Variants in MALRD1 observed in about 807,000 individuals in gnomAD.
MALRD1 encodes the protein MAM and LDL receptor class A domain containing 1, also known as MAM and LDL-receptor class A domain-containing protein 1.
MALRD1 carries 247 observed loss-of-function variants against 242.1 expected under a neutral mutation model. That is an observed-to-expected ratio of 1.02 (90% CI 0.92 to 1.13). The LOEUF is 1.13. MALRD1 is among the 50% of genes most tolerant of loss of function. The pLI, the probability that MALRD1 is intolerant of heterozygous loss-of-function variation, is 0.00. For missense variants in MALRD1, 2,989 were observed against 2,533.1 expected (o/e 1.18, Z -3.86); for synonymous variants, 995 against 866.6 (o/e 1.15, Z -2.60).
intron 2 of MALRD1, among the ~76,000 whole-genome samples, chr10:19,072,638 T>C (rs1476889173): frequency 6.6e-6 from 1 of 152,070 alleles, no homozygotes. Context: ...TAATTCTTCC[T>C]CTAAGAACAC....
intron 19 of MALRD1, 100 bp from the exon 20 acceptor site, chr10:19,279,947 T>C (rs1840723831): frequency 2.1e-6 from 2 of 944,368 alleles, no homozygotes; most frequent in Non-Finnish European, 3.0e-6. Context: ...CTCTATGATA[T>C]TGTGGGGCAT....
intron 14 of MALRD1, among the ~76,000 whole-genome samples, chr10:19,179,330 G>A (rs1835395215): frequency 6.6e-6 from 1 of 152,180 alleles, no homozygotes; most frequent in African/African-American, 2.4e-5. Flanking sequence ...CAATGACAAT[G>A]TATTGTACAC....
At chr10:19,682,767 G>C (rs941052685) in intron 36 of MALRD1, among the ~76,000 whole-genome samples, 1 of 152,110 alleles carries the variant, frequency 6.6e-6, no homozygotes, top group South Asian at 2.1e-4. Context: ...TTCCCCTTCT[G>C]CTGACAGAGG....
chr10:19,247,295 A>G (rs1326425687), intron 18 of MALRD1, among the ~76,000 whole-genome samples: 1 of 152,132 alleles, frequency 6.6e-6, no homozygotes, highest in Non-Finnish European at 1.5e-5. Context: ...CAAAAATTAA[A>G]TTACTTCATT....
intron 1 of MALRD1, among the ~76,000 whole-genome samples, chr10:19,059,466 C>T (rs1488643506): frequency 1.3e-5 from 2 of 152,098 alleles, no homozygotes; most frequent in Admixed American, 6.6e-5. Context: ...CGGCTCACTG[C>T]AACCTCTGCC....
intron 27 of MALRD1, chr10:19,389,193 G>C (rs1336751447): frequency 3.6e-6 from 2 of 555,504 alleles, no homozygotes; most frequent in African/African-American, 3.7e-5. Flanking sequence ...CTATCTTGTT[G>C]ATGCGACGGC....
chr10:19,637,186 A>C (rs928321411), intron 36 of MALRD1, among the ~76,000 whole-genome samples: 2 of 152,178 alleles, frequency 1.3e-5, no homozygotes, highest in Non-Finnish European at 2.9e-5. Context: ...ACATATGTCA[A>C]CCTAACAAAT....
intron 38 of MALRD1, chr10:19,724,946 A>G (rs1834949838): frequency 6.6e-6 from 1 of 152,236 alleles, no homozygotes; most frequent in Non-Finnish European, 1.5e-5. Context: ...ACAATCAGAA[A>G]AGGAATCTTG....
chr10:19,185,889 A>G (rs995126629), intron 14 of MALRD1, among the ~76,000 whole-genome samples: 1 of 150,904 alleles, frequency 6.6e-6, no homozygotes, highest in Non-Finnish European at 1.5e-5. Context: ...TTTTCTGAAA[A>G]ATGTTTCTGA....
intron 26 of MALRD1, among the ~76,000 whole-genome samples, chr10:19,383,724 G>A (rs948932268): frequency 6.6e-6 from 1 of 151,856 alleles, no homozygotes; most frequent in Admixed American, 6.6e-5. Flanking sequence ...TACATGTGAT[G>A]ATCAAAATAT....
intron 32 of MALRD1, among the ~76,000 whole-genome samples, chr10:19,551,824 C>G (rs1208000103): frequency 6.6e-6 from 1 of 151,986 alleles, no homozygotes; most frequent in Non-Finnish European, 1.5e-5. Flanking sequence ...TCAATGAAAG[C>G]CTTTTTGCAT....
intron 28 of MALRD1, among the ~76,000 whole-genome samples, chr10:19,406,706 AAAAT>A (rs914201195): frequency 7.6e-4 from 115 of 152,138 alleles, no homozygotes; most frequent in Non-Finnish European, 1.3e-3. Flanking sequence ...GTATTCTTTA[AAAAT>A]AAATAAATAA....
At chr10:19,326,291 G>A (rs1416336437) in intron 22 of MALRD1, among the ~76,000 whole-genome samples, 1 of 152,028 alleles carries the variant, frequency 6.6e-6, no homozygotes, top group African/African-American at 2.4e-5. Context: ...TTGATGATGT[G>A]AAATATGCTT....
At chr10:19,132,521 A>G (rs955997233) in intron 8 of MALRD1, among the ~76,000 whole-genome samples, 1 of 152,204 alleles carries the variant, frequency 6.6e-6, no homozygotes, top group African/African-American at 2.4e-5. Flanking sequence ...GTGCAGGACT[A>G]AGTTGAAAGT....
At chr10:19,193,829 TG>T (rs915580866) in intron 14 of MALRD1, among the ~76,000 whole-genome samples, 1 of 59,436 alleles carries the variant, frequency 1.7e-5, no homozygotes, top group Non-Finnish European at 3.5e-5. Context: ...TAGCTTAGTC[TG>T]GGGGAAAAAA....
chr10:19,729,721 CTTTTTTTTTTTTTTT>C (rs35279728), intron 38 of MALRD1, among the ~76,000 whole-genome samples: 4 of 40,696 alleles, frequency 9.8e-5, no homozygotes, highest in South Asian at 1.2e-3. Context: ...TCTATTAATT[CTTTTTTTTTTTTTTT>C]TTTTTTTTTT....
intron 13 of MALRD1, among the ~76,000 whole-genome samples, chr10:19,174,164 A>G (rs996451476): frequency 6.6e-6 from 1 of 152,138 alleles, no homozygotes; most frequent in Non-Finnish European, 1.5e-5. Context: ...AAAGATCTTT[A>G]TGGGCCTCTC....
At chr10:19,600,031 C>T (rs980309289) in intron 34 of MALRD1, among the ~76,000 whole-genome samples, 1 of 152,096 alleles carries the variant, frequency 6.6e-6, no homozygotes, top group Non-Finnish European at 1.5e-5. Flanking sequence ...AGTGACAGAA[C>T]AACTGTGAAA....
At chr10:19,280,394 G>A (rs1840746165) in intron 20 of MALRD1, among the ~76,000 whole-genome samples, 171 bp downstream of exon 20, 2 of 152,260 alleles carry the variant, frequency 1.3e-5, no homozygotes, top group Non-Finnish European at 1.5e-5. Context: ...GAATCAGAAT[G>A]CATTTTCTGC....
Sources: allele counts gnomAD v4.1 joint callset (sites outside exome capture counted in the v4.1 genomes callset), GRCh38; gene constraint gnomAD v4.1.1; transcripts MANE v1.5; gene names NCBI Gene and HGNC (gene_info 2026-07-23, HGNC 2026-07-21).